CDH13: variants seen among roughly 807,000 people sequenced by gnomAD.
CDH13 encodes cadherin-13.
Under a neutral mutation model 63.8 loss-of-function variants are expected in CDH13, and 24 were observed. The ratio of observed to expected loss-of-function variants is 0.38; its 90% CI spans 0.27 to 0.53. The LOEUF is 0.53. Ranked by LOEUF, CDH13 falls within the 20% of genes least tolerant of loss-of-function variation. The pLI is 0.85. For missense variants in CDH13, 1,049 were observed against 903.1 expected (o/e 1.16, Z -2.07); for synonymous variants, 503 against 355.3 (o/e 1.42, Z -4.67).
chr16:83,610,661 CTA>C (rs1908778460), intron 8 of CDH13, among the ~76,000 whole-genome samples: 1 of 152,196 alleles, frequency 6.6e-6, no homozygotes, highest in African/African-American at 2.4e-5. Flanking sequence ...TAGCCGTAAT[CTA>C]TTCATGTTCG....
At chr16:83,597,319 G>T (rs1907362268) in intron 7 of CDH13, among the ~76,000 whole-genome samples, 3 of 152,176 alleles carry the variant, frequency 2.0e-5, no homozygotes, top group Non-Finnish European at 4.4e-5. Flanking sequence ...CTGTACATTG[G>T]ACTATTAGAC....
At chr16:82,853,084 G>A (rs2039558182) in intron 1 of CDH13, among the ~76,000 whole-genome samples, 1 of 152,186 alleles carries the variant, frequency 6.6e-6, no homozygotes, top group Non-Finnish European at 1.5e-5. Context: ...TGCTTTCTGT[G>A]CATACATTTA....
chr16:82,733,896 T>G (rs750152422), intron 1 of CDH13, among the ~76,000 whole-genome samples: 117 of 152,374 alleles, frequency 7.7e-4, no homozygotes, highest in Non-Finnish European at 1.2e-3. Flanking sequence ...CATGAACCAG[T>G]GACTTTGCTT....
chr16:83,386,122 C>G (rs147835333), intron 6 of CDH13, among the ~76,000 whole-genome samples: 1 of 152,332 alleles, frequency 6.6e-6, no homozygotes, highest in East Asian at 1.9e-4. Flanking sequence ...TAGTTAGAAA[C>G]ATGTCGCTGT....
intron 6 of CDH13, among the ~76,000 whole-genome samples, chr16:83,349,086 A>C (rs1273187175): frequency 6.6e-6 from 1 of 152,222 alleles, no homozygotes; most frequent in Non-Finnish European, 1.5e-5. Context: ...GCTGCTCAGC[A>C]CTGAACTCCG....
Position 82,953,299 on chromosome 16 carries a change from T to C in CDH13, c.158-78711T>C, listed in dbSNP as rs542995171. 10 of 152,270 alleles carry C rather than the reference T, an allele frequency of 6.6e-5. No homozygotes were observed. The East Asian group carries it at 1.9e-3, about 29-fold the overall frequency. 9.4% of individuals were successfully genotyped at this position (152,270 alleles called of 1,614,324 possible). ...TTATTGCCAAATATGGCCATAAAGG[T>C]TTTATTGCTCCAATTTTTATAGCAA... On this transcript the variant is annotated intron_variant, in intron 2 of 13. Transcript: ENST00000567109.
chr16:83,066,710 C>G (rs193220416), intron 3 of CDH13, among the ~76,000 whole-genome samples: 1 of 152,190 alleles, frequency 6.6e-6, no homozygotes. Context: ...TCAGCAAATT[C>G]TCGCCCGGTG....
chr16:82,846,935 C>G (rs1044700806), intron 1 of CDH13, among the ~76,000 whole-genome samples: 1 of 152,098 alleles, frequency 6.6e-6, no homozygotes, highest in Non-Finnish European at 1.5e-5. Flanking sequence ...AGAGACAATG[C>G]TTATTTATGC....
At chr16:83,467,707 A>G (rs1183240568) in intron 6 of CDH13, among the ~76,000 whole-genome samples, 6 of 152,198 alleles carry the variant, frequency 3.9e-5, no homozygotes, top group Non-Finnish European at 8.8e-5. Flanking sequence ...TCCTGGCTGC[A>G]GAACACAGCC....
At chr16:83,004,481 C>T (rs185369140) in intron 2 of CDH13, among the ~76,000 whole-genome samples, 59 of 152,230 alleles carry the variant, frequency 3.9e-4, no homozygotes, top group Admixed American at 1.0e-3. Flanking sequence ...GAATGTCATG[C>T]AAGGACCCCT....
At chr16:83,697,428 A>T (rs1185152799) in intron 10 of CDH13, among the ~76,000 whole-genome samples, 1 of 152,250 alleles carries the variant, frequency 6.6e-6, no homozygotes, top group Non-Finnish European at 1.5e-5. Context: ...CTGGGCACAG[A>T]AGGCTGCGCC....
intron 2 of CDH13, among the ~76,000 whole-genome samples, chr16:82,930,928 C>G (rs564036681): frequency 3.3e-5 from 5 of 152,350 alleles, no homozygotes; most frequent in Admixed American, 2.6e-4. Context: ...CCTGCAGACT[C>G]TAATGTTCGA....
At chr16:83,768,932 G>T (rs111340579) in intron 11 of CDH13, among the ~76,000 whole-genome samples, 10 of 152,068 alleles carry the variant, frequency 6.6e-5, no homozygotes, top group African/African-American at 2.4e-4. Context: ...TGCCTTAACC[G>T]TCTGGGAATG....
intron 4 of CDH13, among the ~76,000 whole-genome samples, chr16:83,172,208 T>A (rs2037948709): frequency 1.3e-5 from 2 of 152,052 alleles, no homozygotes; most frequent in African/African-American, 4.8e-5. Flanking sequence ...TAAAGGCAGA[T>A]GGCCGGGTAC....
At chr16:83,108,658 C>T (rs1392699272) in intron 3 of CDH13, among the ~76,000 whole-genome samples, 2 of 152,216 alleles carry the variant, frequency 1.3e-5, no homozygotes, top group Non-Finnish European at 2.9e-5. Flanking sequence ...TCCAGTTTTT[C>T]AGCCTTCAGG....
intron 7 of CDH13, among the ~76,000 whole-genome samples, chr16:83,536,478 G>C (rs1171432252): frequency 1.3e-5 from 2 of 152,234 alleles, no homozygotes; most frequent in East Asian, 1.9e-4. Context: ...GGTGAGCAAA[G>C]GTCCTGTGGC....
At chr16:82,653,610 G>A (rs1372061746) in intron 1 of CDH13, among the ~76,000 whole-genome samples, 2 of 152,134 alleles carry the variant, frequency 1.3e-5, no homozygotes, top group African/African-American at 4.8e-5. Flanking sequence ...GGGGCTGGAG[G>A]CCAAGGTGCA....
At chr16:83,338,245 G>C (rs1347632133) in intron 5 of CDH13, among the ~76,000 whole-genome samples, 3 of 151,728 alleles carry the variant, frequency 2.0e-5, no homozygotes, top group Non-Finnish European at 4.4e-5. Context: ...TTTACCACTG[G>C]GATTCTTCTT....
At chr16:82,883,579 G>C (rs1029446522) in intron 2 of CDH13, among the ~76,000 whole-genome samples, 3 of 152,220 alleles carry the variant, frequency 2.0e-5, no homozygotes, top group African/African-American at 7.2e-5. Flanking sequence ...TGTTAGTCTA[G>C]ACAGTAGGCA....
Sources: gnomAD v4.1 joint callset for allele counts (sites outside exome capture counted in the v4.1 genomes callset) on GRCh38, gnomAD v4.1.1 for gene constraint, MANE v1.5 for transcripts, NCBI Gene and HGNC (gene_info 2026-07-23, HGNC 2026-07-21) for gene names.